The following ABTB3 variants were observed in gnomAD, a reference collection of about 807,000 sequenced individuals.
ABTB3 encodes the protein ankyrin repeat- and BTB/POZ domain-containing protein 3.
chr12:107,487,054 T>C, the ABTB3 span, among the ~76,000 whole-genome samples: 1 of 152,332 alleles, frequency 6.6e-6, no homozygotes, highest in East Asian at 1.9e-4. Context: ...GCATGTATTC[T>C]ATTGTGTTCT....
chr12:107,624,225 A>AT, the ABTB3 span, among the ~76,000 whole-genome samples: 1 of 150,432 alleles, frequency 6.6e-6, no homozygotes, highest in Non-Finnish European at 1.5e-5. Flanking sequence ...TCAAGTTTTC[A>AT]TTTTTTGATG....
chr12:107,644,016 G>A, the ABTB3 span, among the ~76,000 whole-genome samples: 1 of 152,146 alleles, frequency 6.6e-6, no homozygotes, highest in Non-Finnish European at 1.5e-5. Flanking sequence ...CACCCACCTT[G>A]GTTGGCCTCC....
the ABTB3 span, among the ~76,000 whole-genome samples, chr12:107,565,523 G>A: frequency 6.6e-6 from 1 of 152,078 alleles, no homozygotes; most frequent in Non-Finnish European, 1.5e-5. Flanking sequence ...CCTTCTCCAT[G>A]CACCTTGCAC....
chr12:107,376,650 G>T, the ABTB3 span, among the ~76,000 whole-genome samples: 1 of 152,026 alleles, frequency 6.6e-6, no homozygotes, highest in South Asian at 2.1e-4. Flanking sequence ...AACTCCCGGG[G>T]TGCAATACAG....
At chr12:107,418,484 C>T in the ABTB3 span, among the ~76,000 whole-genome samples, 15 of 152,234 alleles carry the variant, frequency 9.9e-5, no homozygotes, top group Non-Finnish European at 1.9e-4. Context: ...TCAAGCTAGA[C>T]CTGCATCCTG....
chr12:107,386,115 G>A, the ABTB3 span, among the ~76,000 whole-genome samples: 1 of 152,168 alleles, frequency 6.6e-6, no homozygotes, highest in Admixed American at 6.5e-5. Flanking sequence ...CTGCCTCAGG[G>A]CCTTTGCCCT....
the ABTB3 span, among the ~76,000 whole-genome samples, chr12:107,643,752 C>CTTTTTTTT: frequency 2.0e-3 from 226 of 111,364 alleles, no homozygotes; most frequent in Non-Finnish European, 3.1e-3. Flanking sequence ...ATTGTTATTC[C>CTTTTTTTT]TTTTTTTTTT....
chr12:107,344,380 A>G, the ABTB3 span, among the ~76,000 whole-genome samples: 8 of 152,186 alleles, frequency 5.3e-5, no homozygotes, highest in Non-Finnish European at 1.5e-5. Context: ...AGAGAAGGGA[A>G]ATTGGTTGGG....
chr12:107,549,118 A>G, the ABTB3 span, among the ~76,000 whole-genome samples: 1 of 152,232 alleles, frequency 6.6e-6, no homozygotes, highest in East Asian at 1.9e-4. Flanking sequence ...AATGTCTGCC[A>G]GGGGAATCTC....
the ABTB3 span, among the ~76,000 whole-genome samples, chr12:107,450,991 T>A: frequency 0.062 from 9,499 of 152,094 alleles, 966 homozygotes; most frequent in African/African-American, 0.21. Flanking sequence ...TTTTTTTTTT[T>A]AAATGCATGT....
the ABTB3 span, among the ~76,000 whole-genome samples, chr12:107,608,942 TAAATA>T: frequency 1.2e-4 from 7 of 60,270 alleles, no homozygotes; most frequent in Admixed American, 4.1e-4. Context: ...TAAAATAAAA[TAAATA>T]AAATAAAATA....
chr12:107,485,121 G>C, the ABTB3 span, among the ~76,000 whole-genome samples: 3 of 152,112 alleles, frequency 2.0e-5, no homozygotes, highest in South Asian at 4.1e-4. Context: ...TGAAGAAACT[G>C]AGCATTTTAG....
At chr12:107,318,618 C>A in the ABTB3 span, 1 of 240,158 alleles carries the variant, frequency 4.2e-6, no homozygotes, top group Non-Finnish European at 8.0e-6. Flanking sequence ...CAGCGGGGCT[C>A]AGGGAAGAGC....
chr12:107,320,033 C>A, the ABTB3 span: 2 of 1,551,794 alleles, frequency 1.3e-6, no homozygotes, highest in Non-Finnish European at 1.7e-6. Flanking sequence ...CTGGGGTCTC[C>A]TGCAGCCCTA....
the ABTB3 span, among the ~76,000 whole-genome samples, chr12:107,600,400 A>G: frequency 6.6e-6 from 1 of 152,260 alleles, no homozygotes; most frequent in African/African-American, 2.4e-5. Context: ...GCCAGTCATG[A>G]TTATGATATT....
the ABTB3 span, among the ~76,000 whole-genome samples, chr12:107,567,271 T>C: frequency 6.6e-6 from 1 of 152,260 alleles, no homozygotes; most frequent in Non-Finnish European, 1.5e-5. Context: ...ATAGGAATCA[T>C]GACCTTTCTA....
At chr12:107,632,925 C>G in the ABTB3 span, among the ~76,000 whole-genome samples, 6 of 152,218 alleles carry the variant, frequency 3.9e-5, no homozygotes, top group Admixed American at 2.0e-4. Flanking sequence ...CATCTTCAAG[C>G]CAGCAACAGA....
the ABTB3 span, chr12:107,649,749 G>A: frequency 1.2e-5 from 2 of 162,152 alleles, no homozygotes; most frequent in East Asian, 1.8e-4. Flanking sequence ...AGAAGCTGAG[G>A]GCAGATTACA....
the ABTB3 span, among the ~76,000 whole-genome samples, chr12:107,553,728 C>A: frequency 6.6e-6 from 1 of 152,298 alleles, no homozygotes; most frequent in East Asian, 1.9e-4. Context: ...CACTTGAGGG[C>A]AGGAATTCAA....
Sources: allele counts gnomAD v4.1 joint callset (sites outside exome capture counted in the v4.1 genomes callset), GRCh38; gene constraint gnomAD v4.1.1; transcripts MANE v1.5; gene names NCBI Gene and HGNC (gene_info 2026-07-23, HGNC 2026-07-21).